Variants in SAAL1 observed in about 807,000 individuals in gnomAD.
The protein encoded by SAAL1 is protein SAAL1.
In SAAL1, 42 loss-of-function variants were observed where a neutral mutation model predicts 59.8. The observed-to-expected ratio is 0.70, with a 90% CI of 0.55 to 0.91. SAAL1 has a LOEUF of 0.91. Ranked by LOEUF, SAAL1 falls within the 40% of genes least tolerant of loss-of-function variation. The probability of loss-of-function intolerance (pLI) is 0.00; values close to 1 mark genes in which losing one functional copy is unlikely to be tolerated. For synonymous variants in SAAL1, 191 were observed against 194.3 expected (o/e 0.98, Z 0.14); for missense variants, 542 against 561.1 (o/e 0.97, Z 0.34).
chr11:18,085,833 G>A (rs1848458086), intron 9 of SAAL1, among the ~76,000 whole-genome samples: 1 of 152,230 alleles, frequency 6.6e-6, no homozygotes, highest in Non-Finnish European at 1.5e-5. Context: ...AGATAACTGG[G>A]TAGCCCTCTG....
At chr11:18,088,807 G>T (rs1393944223) in intron 7 of SAAL1, among the ~76,000 whole-genome samples, 1 of 152,042 alleles carries the variant, frequency 6.6e-6, no homozygotes, top group Non-Finnish European at 1.5e-5. Flanking sequence ...GTTTTGATGT[G>T]GCTTACTCAG....
chr11:18,082,021 A>C (rs554131226), intron 10 of SAAL1, among the ~76,000 whole-genome samples: 1 of 152,312 alleles, frequency 6.6e-6, no homozygotes, highest in South Asian at 2.1e-4. Context: ...AAAGTAAAAA[A>C]TCTTTAGTAG....
intron 11 of SAAL1, among the ~76,000 whole-genome samples, 170 bp downstream of exon 11, chr11:18,081,241 A>G (rs756031295): frequency 2.6e-5 from 4 of 152,150 alleles, no homozygotes; most frequent in Non-Finnish European, 4.4e-5. Flanking sequence ...GTGAGAACAT[A>G]CGGTATTTGG....
chr11:18,092,768 A>G (rs1437028054), intron 3 of SAAL1, among the ~76,000 whole-genome samples: 2 of 152,208 alleles, frequency 1.3e-5, no homozygotes, highest in Non-Finnish European at 2.9e-5. Context: ...ACTGAGATTA[A>G]GGGCTCTGAA....
chr11:18,087,592 G>A (rs1174735095), intron 7 of SAAL1, among the ~76,000 whole-genome samples: 1 of 152,198 alleles, frequency 6.6e-6, no homozygotes, highest in African/African-American at 2.4e-5. Context: ...GAACGTTAAG[G>A]TCCGCTGCAT....
intron 9 of SAAL1, among the ~76,000 whole-genome samples, chr11:18,086,295 A>G (rs1848462878): frequency 6.6e-6 from 1 of 152,174 alleles, no homozygotes; most frequent in South Asian, 2.1e-4. Flanking sequence ...CCAGCTACTC[A>G]GGAGGCTGAG....
At chr11:18,089,834 G>A (rs930573076) in intron 6 of SAAL1, among the ~76,000 whole-genome samples, 4 of 152,192 alleles carry the variant, frequency 2.6e-5, no homozygotes, top group Non-Finnish European at 5.9e-5. Flanking sequence ...ATGACTGCTT[G>A]AACACACGAG....
rs752741887 is a variant in SAAL1 at position 18,081,479 on chromosome 11, C to CCTTTA, written c.1259_1263dup (p.Glu422Ter). ...CACTTCTGTTTGCTCAACTGGCCTT[C>CCTTTA]CTTTACTCCCTGAGCCACCGTCTCC... is the stretch of plus-strand genomic sequence containing the variant. On this transcript the variant is annotated stop_gained and frameshift_variant, in exon 11 of 12. Coordinates refer to ENST00000524803, the MANE Select transcript of SAAL1 (RefSeq NM_138421.3). LOFTEE classifies it high-confidence loss of function. 1.2e-6 allele frequency: 2 copies of CCTTTA among 1,613,890 alleles called. No homozygotes were observed. The highest frequency in any genetic ancestry group is 2.7e-5 in the African/African-American group (2 of 74,892).
chr11:18,097,083 A>G (rs1848585623), intron 2 of SAAL1, among the ~76,000 whole-genome samples: 1 of 151,940 alleles, frequency 6.6e-6, no homozygotes, highest in Non-Finnish European at 1.5e-5. Flanking sequence ...AAAAATACAA[A>G]AAAATTAGCC....
chr11:18,090,489 C>G lies in SAAL1; in HGVS notation c.418G>C (p.Val140Leu). 6.2e-7 allele frequency: 1 copy of G among 1,604,954 alleles called. No homozygotes were observed. The highest frequency in any genetic ancestry group is 8.5e-7 in the Non-Finnish European group (1 of 1,177,560). Residue 140 changes from valine (V) to leucine (L), a missense_variant, in exon 5 of 12, where the codon GTG becomes CTG. Val to Leu is a conservative substitution (Grantham distance 32, BLOSUM62 1). Coordinates refer to ENST00000524803, the MANE Select transcript of SAAL1 (RefSeq NM_138421.3). ...SISSDKNLGQ[V>L]LLHCLYDSDP... ...GAATCATACAAACAGTGCAATAACA[C>G]CTGCCTACAAAAACAAAGAAGTTAA...
rs550550293 is a variant in SAAL1 at position 18,097,005 on chromosome 11, G to C, written c.250-151C>G. 1.5e-5 allele frequency: 9 copies of C among 595,676 alleles called. No homozygotes were observed. The Admixed American group carries it at 2.3e-4, about 15-fold the overall frequency. 36.9% of individuals were successfully genotyped at this position (595,676 alleles called of 1,614,324 possible). A position where few individuals can be genotyped will look rare whatever the true frequency, so the allele number is the denominator to read the frequency against. On this transcript the variant is annotated intron_variant, in intron 2 of 11. Coordinates refer to ENST00000524803, the MANE Select transcript of SAAL1 (RefSeq NM_138421.3). ...AATCCTAGCACATTGGGAGGCCAAG[G>C]CTGGCAGATTGCCTGAGCTCAGGAG...
chr11:18,086,461 G>A (rs1848464280), intron 9 of SAAL1, among the ~76,000 whole-genome samples: 1 of 152,184 alleles, frequency 6.6e-6, no homozygotes, highest in Non-Finnish European at 1.5e-5. Flanking sequence ...CACTTTGGGA[G>A]GCCGAGGTGG....
At chr11:18,084,638 A>C (rs61882499) in intron 9 of SAAL1, among the ~76,000 whole-genome samples, 7,850 of 152,290 alleles carry the variant, frequency 0.052, 245 homozygotes, top group Middle Eastern at 0.13. Context: ...ACTGTACTCA[A>C]TGCCACCTTC....
chr11:18,087,266 T>C, intron 7 of SAAL1, 41 bp from the exon 8 acceptor site: 1 of 1,231,840 alleles, frequency 8.1e-7, no homozygotes, highest in South Asian at 1.2e-5. Flanking sequence ...ACAACTTTAC[T>C]GTCCAGGGGA....
intron 2 of SAAL1, among the ~76,000 whole-genome samples, chr11:18,097,870 C>A (rs1016366703): frequency 1.7e-5 from 2 of 119,420 alleles, no homozygotes; most frequent in Non-Finnish European, 3.7e-5. Context: ...CTTGGCTGGG[C>A]GAGGTGGCTC....
chr11:18,083,732 CT>C lies in SAAL1; in HGVS notation c.1043-5del, dbSNP rs748788883. The C allele has an allele frequency of 1.3e-6, 2 of 1,583,550 alleles. No individual in the cohort carries two copies. The highest frequency in any genetic ancestry group is 2.3e-5 in the South Asian group (2 of 85,682). On this transcript the variant is annotated splice_polypyrimidine_tract_variant and splice_region_variant and intron_variant, in intron 9 of 11. Coordinates refer to the SAAL1 transcript ENST00000300013. Reference sequence around the variant, plus strand: ...AGGCTGTCAATTAGAGGAAGATCTACTGTATAAACAAATCAAGAAGCATGGA... The same window carrying C: ...AGGCTGTCAATTAGAGGAAGATCTACGTATAAACAAATCAAGAAGCATGGA...
At chr11:18,093,017 C>G (rs1848537784) in intron 3 of SAAL1, among the ~76,000 whole-genome samples, 1 of 152,056 alleles carries the variant, frequency 6.6e-6, no homozygotes, top group Admixed American at 6.5e-5. Flanking sequence ...AATTGCATGC[C>G]TTTCTGAGCA....
chr11:18,092,592 T>C (rs1384786183), intron 3 of SAAL1, among the ~76,000 whole-genome samples: 2 of 152,026 alleles, frequency 1.3e-5, no homozygotes, highest in African/African-American at 4.8e-5. Context: ...AAATGATTGA[T>C]AGGAATGAGA....
rs115463520 is a variant in SAAL1 at position 18,091,908 on chromosome 11, G to A, written c.413+337C>T. Among the ~76,000 whole-genome samples, 948 of 152,278 alleles carry A rather than the reference G, an allele frequency of 6.2e-3. 13 individuals carry two copies. The highest frequency in any genetic ancestry group is 0.022 in the African/African-American group (919 of 41,552). The stretch of plus-strand genomic sequence containing the variant: ...TCTAGTTTCTGTAGACTCCAGCTGA[G>A]TCATTGGATTCCCTGCCCCTAAACT... On this transcript the variant is annotated intron_variant, in intron 4 of 11. Transcript: ENST00000524803.
Sources: gnomAD v4.1 joint callset for allele counts (sites outside exome capture counted in the v4.1 genomes callset) on GRCh38, gnomAD v4.1.1 for gene constraint, MANE v1.5 for transcripts, NCBI Gene and HGNC (gene_info 2026-07-23, HGNC 2026-07-21) for gene names.